DPY19L1: variants seen among roughly 807,000 people sequenced by gnomAD.
DPY19L1 encodes the protein protein C-mannosyl-transferase DPY19L1.
DPY19L1 carries 35 observed loss-of-function variants against 96.9 expected under a neutral mutation model. The observed-to-expected ratio is 0.36, with a 90% CI of 0.28 to 0.48. DPY19L1 has a LOEUF of 0.48. Ranked by LOEUF, DPY19L1 falls within the 20% of genes least tolerant of loss-of-function variation. The pLI, the probability that DPY19L1 is intolerant of heterozygous loss-of-function variation, is 0.99. For missense variants in DPY19L1, 521 were observed against 777.9 expected, an observed-to-expected ratio of 0.67 and a Z score of 3.93; for synonymous variants, 205 against 252.6, an observed-to-expected ratio of 0.81 and a Z score of 1.79.
chr7:34,945,818 T>C, intron 15 of DPY19L1, 102 bp from the exon 16 acceptor site: 2 of 780,308 alleles, frequency 2.6e-6, no homozygotes. Context: ...AATGAAAATA[T>C]AAGTATAGAG....
intron 1 of DPY19L1, among the ~76,000 whole-genome samples, chr7:35,020,448 T>C (rs1027687992): frequency 1.3e-5 from 2 of 152,202 alleles, no homozygotes; most frequent in Non-Finnish European, 2.9e-5. Context: ...ATATCTTCAA[T>C]TGTTCAAACT....
chr7:35,009,545 T>C (rs753602829), intron 6 of DPY19L1, among the ~76,000 whole-genome samples: 12 of 152,238 alleles, frequency 7.9e-5, no homozygotes, highest in African/African-American at 2.4e-4. Context: ...AAATATTACA[T>C]AGAAGATACT....
rs546957767 is a variant in DPY19L1 at position 35,008,510 on chromosome 7, C to T, written c.764+1958G>A. 2.2e-4 allele frequency among the ~76,000 whole-genome samples: 33 copies of T among 152,282 alleles called. 2 individuals are homozygous for T. The South Asian group carries it at 6.4e-3, about 30-fold the overall frequency. The stretch of plus-strand genomic sequence containing the variant: ...TTACAAGAAAATGTGAATGCTTTAA[C>T]GGATGTTTACAAATTCTTCTTTCAA... On this transcript the variant is annotated intron_variant, in intron 6 of 21. Coordinates refer to ENST00000638088, the MANE Select transcript of DPY19L1 (RefSeq NM_001366673.1).
intron 7 of DPY19L1, among the ~76,000 whole-genome samples, chr7:34,983,204 A>G (rs1157346583): frequency 6.6e-6 from 1 of 152,152 alleles, no homozygotes; most frequent in Admixed American, 6.5e-5. Flanking sequence ...TATCTAGTTC[A>G]ACCTTCATCA....
intron 1 of DPY19L1, among the ~76,000 whole-genome samples, chr7:35,035,704 AT>A (rs1221270313): frequency 6.6e-6 from 1 of 152,190 alleles, no homozygotes; most frequent in Non-Finnish European, 1.5e-5. Flanking sequence ...GATCCTGTGG[AT>A]CCCTGTGGAG....
At chr7:34,960,014 G>A (rs1784470072) in intron 10 of DPY19L1, among the ~76,000 whole-genome samples, 2 of 148,050 alleles carry the variant, frequency 1.4e-5, no homozygotes, top group Admixed American at 6.7e-5. Flanking sequence ...TTTGACCTCT[G>A]TAGTATTTTT....
intron 6 of DPY19L1, among the ~76,000 whole-genome samples, chr7:34,991,654 TAGA>T (rs968974104): frequency 6.6e-6 from 1 of 152,112 alleles, no homozygotes; most frequent in African/African-American, 2.4e-5. Context: ...ACAAAAAATA[TAGA>T]AGTTTATAGG....
chr7:34,937,451 G>C (rs543948055), intron 21 of DPY19L1, among the ~76,000 whole-genome samples: 1 of 152,126 alleles, frequency 6.6e-6, no homozygotes, highest in South Asian at 2.1e-4. Flanking sequence ...GAAGTCTTTT[G>C]AAAGAAAATA....
Position 34,937,025 on chromosome 7 carries a change from C to G in DPY19L1, c.2090+969G>C, listed in dbSNP as rs149022357. On this transcript the variant is annotated intron_variant, in intron 21 of 21. Coordinates refer to ENST00000638088, the MANE Select transcript of DPY19L1 (RefSeq NM_001366673.1). The stretch of plus-strand genomic sequence containing the variant: ...AGTGTTTATTTCTGATAAAATTGTT[C>G]CTGTACTGTGCTCTTCATGAAGTGA... Among the ~76,000 whole-genome samples, 985 of 152,244 alleles carry G rather than the reference C, an allele frequency of 6.5e-3. 10 individuals are homozygous for G. Among genetic ancestry groups the G allele is most frequent in the African/African-American group, 0.023 (937 of 41,532 alleles).
intron 1 of DPY19L1, among the ~76,000 whole-genome samples, chr7:35,034,417 G>A (rs1443240519): frequency 6.6e-6 from 1 of 152,190 alleles, no homozygotes; most frequent in African/African-American, 2.4e-5. Context: ...GGGAAACATT[G>A]TCAAGGTTCT....
chr7:34,994,370 T>TA (rs1204809675), intron 6 of DPY19L1, among the ~76,000 whole-genome samples: 2 of 152,036 alleles, frequency 1.3e-5, no homozygotes, highest in African/African-American at 2.4e-5. Context: ...GATGAGTTTT[T>TA]AAAAAAAATG....
At chr7:34,937,352 C>G (rs918769385) in intron 21 of DPY19L1, among the ~76,000 whole-genome samples, 2 of 152,202 alleles carry the variant, frequency 1.3e-5, no homozygotes, top group African/African-American at 4.8e-5. Flanking sequence ...TGGTGTAGCA[C>G]AGAGACCCAG....
chr7:34,980,271 A>T (rs538061480), intron 7 of DPY19L1, among the ~76,000 whole-genome samples: 93 of 152,148 alleles, frequency 6.1e-4, no homozygotes, highest in Non-Finnish European at 1.1e-3. Flanking sequence ...GACAGATTAC[A>T]AACCAAAATG....
chr7:35,019,520 AG>A (rs1177065509), intron 1 of DPY19L1, among the ~76,000 whole-genome samples: 1 of 151,968 alleles, frequency 6.6e-6, no homozygotes, highest in Non-Finnish European at 1.5e-5. Flanking sequence ...AAGAAGAAGA[AG>A]GAAGAAGAGA....
chr7:35,024,930 T>C (rs774117254), intron 1 of DPY19L1, among the ~76,000 whole-genome samples: 7 of 152,198 alleles, frequency 4.6e-5, no homozygotes, highest in Non-Finnish European at 2.9e-5. Flanking sequence ...AACGGTTACA[T>C]TACTATTAAC....
chr7:35,037,907 A>G, upstream of DPY19L1: 1 of 1,238,238 alleles, frequency 8.1e-7, no homozygotes. Flanking sequence ...TGTGGGAGTG[A>G]TGGGGCCGAA....
At chr7:35,031,333 G>C (rs1340315161) in intron 1 of DPY19L1, among the ~76,000 whole-genome samples, 3 of 152,124 alleles carry the variant, frequency 2.0e-5, no homozygotes, top group Non-Finnish European at 4.4e-5. Flanking sequence ...AAGTAATCTA[G>C]GCATGATTTA....
At chr7:34,981,163 T>C (rs1784930940) in intron 7 of DPY19L1, among the ~76,000 whole-genome samples, 1 of 152,038 alleles carries the variant, frequency 6.6e-6, no homozygotes. Context: ...GTGTGAAAAG[T>C]ATATATCATT....
chr7:34,994,943 A>G (rs1785251063), intron 6 of DPY19L1, among the ~76,000 whole-genome samples: 1 of 152,194 alleles, frequency 6.6e-6, no homozygotes, highest in South Asian at 2.1e-4. Context: ...CCACGGTGAC[A>G]ACATTCCTTT....
Sources: gnomAD v4.1 joint callset for allele counts (sites outside exome capture counted in the v4.1 genomes callset) on GRCh38, gnomAD v4.1.1 for gene constraint, MANE v1.5 for transcripts, NCBI Gene and HGNC (gene_info 2026-07-23, HGNC 2026-07-21) for gene names.